ROBO1: variants seen among roughly 807,000 people sequenced by gnomAD.
ROBO1 encodes roundabout guidance receptor 1, also known as roundabout homolog 1.
A neutral mutation model predicts 195.9 loss-of-function variants in ROBO1; 149 were observed. That is an observed-to-expected ratio of 0.76 (90% CI 0.67 to 0.87). The LOEUF (loss-of-function observed/expected upper bound fraction) is 0.87. ROBO1 is among the 40% of genes least tolerant of loss of function. The pLI, the probability that ROBO1 is intolerant of heterozygous loss-of-function variation, is 0.00. For synonymous variants in ROBO1, 816 were observed against 733.2 expected (o/e 1.11, Z -1.82); for missense variants, 1,933 against 2,068.3 (o/e 0.93, Z 1.27).
intron 2 of ROBO1, among the ~76,000 whole-genome samples, chr3:79,272,564 C>T (rs2030661597): frequency 6.6e-6 from 1 of 152,072 alleles, no homozygotes; most frequent in Non-Finnish European, 1.5e-5. Flanking sequence ...CTCCCATCTC[C>T]CAGCAGCAGG....
chr3:79,613,246 G>T lies in ROBO1; in HGVS notation c.-50-23285C>A, dbSNP rs187737029. 2.3e-3 allele frequency among the ~76,000 whole-genome samples: 352 copies of T among 151,736 alleles called. 5 individuals carry two copies. Among genetic ancestry groups the T allele is most frequent in the African/African-American group, 7.3e-3 (301 of 41,378 alleles). ...CAGCTTTAAAACTACTATTTTATAG[G>T]GTTAACATTGTTTTGTCTACTGGTT... On this transcript the variant is annotated intron_variant, in intron 1 of 30. Coordinates refer to ENST00000464233, the MANE Select transcript of ROBO1 (RefSeq NM_002941.4).
intron 29 of ROBO1, among the ~76,000 whole-genome samples, chr3:78,603,601 A>C (rs1703300343): frequency 6.6e-6 from 1 of 152,154 alleles, no homozygotes; most frequent in Non-Finnish European, 1.5e-5. Context: ...TGTCAGCAAA[A>C]TGATCAGAAA....
chr3:78,749,703 C>T (rs939523685), intron 4 of ROBO1, among the ~76,000 whole-genome samples: 1 of 152,070 alleles, frequency 6.6e-6, no homozygotes, highest in African/African-American at 2.4e-5. Flanking sequence ...ACACTTAAGT[C>T]ATCACAATAA....
chr3:78,620,883 A>ATGTGTGTGTGTGTG (rs199578004), intron 26 of ROBO1, among the ~76,000 whole-genome samples: 47 of 144,660 alleles, frequency 3.2e-4, no homozygotes, highest in African/African-American at 4.1e-4. Flanking sequence ...ATATATATAT[A>ATGTGTGTGTGTGTG]TGTGTGTGTG....
chr3:79,054,558 G>A (rs1006162624), intron 3 of ROBO1, among the ~76,000 whole-genome samples: 7 of 152,042 alleles, frequency 4.6e-5, no homozygotes, highest in African/African-American at 1.4e-4. Flanking sequence ...GTGGGCATGG[G>A]CCATGAAGGA....
At chr3:79,530,802 C>T (rs1941625674) in intron 2 of ROBO1, among the ~76,000 whole-genome samples, 1 of 133,510 alleles carries the variant, frequency 7.5e-6, no homozygotes, top group African/African-American at 2.9e-5. Context: ...CACACACACA[C>T]ACATCCTTCC....
intron 5 of ROBO1, among the ~76,000 whole-genome samples, chr3:78,735,390 T>C (rs1470252637): frequency 6.6e-6 from 1 of 152,206 alleles, no homozygotes; most frequent in African/African-American, 2.4e-5. Flanking sequence ...AAGGTCTGGT[T>C]GTTAGGGCAG....
chr3:79,248,404 G>A lies in ROBO1; in HGVS notation c.89-122865C>T, dbSNP rs560100228. On this transcript the variant is annotated intron_variant, in intron 2 of 30. Coordinates refer to ENST00000464233, the MANE Select transcript of ROBO1 (RefSeq NM_002941.4). ...AAAAAAAAAAAAAAAAAAAGAGAGA[G>A]AGAGAATAAAACAGAAAAATGATTT... is the stretch of plus-strand genomic sequence containing the variant. 4.9e-3 allele frequency among the ~76,000 whole-genome samples: 708 copies of A among 145,346 alleles called. 2 individuals carry two copies. Among genetic ancestry groups the A allele is most frequent in the Non-Finnish European group, 8.3e-3 (549 of 66,424 alleles).
chr3:79,323,594 T>C (rs1387811605), intron 2 of ROBO1, among the ~76,000 whole-genome samples: 1 of 152,186 alleles, frequency 6.6e-6, no homozygotes, highest in Non-Finnish European at 1.5e-5. Context: ...TAAATATCAT[T>C]TGTAGAGGGA....
intron 5 of ROBO1, among the ~76,000 whole-genome samples, chr3:78,735,178 C>T (rs181857014): frequency 1.1e-4 from 16 of 152,248 alleles, no homozygotes; most frequent in Admixed American, 4.6e-4. Flanking sequence ...TTCACCTCTC[C>T]AAGTTATTAA....
chr3:79,146,867 G>C (rs2080664011), intron 2 of ROBO1, among the ~76,000 whole-genome samples: 1 of 151,944 alleles, frequency 6.6e-6, no homozygotes, highest in Non-Finnish European at 1.5e-5. Flanking sequence ...TTGAATGTAG[G>C]GAAAGTTTAG....
At chr3:78,833,432 A>T (rs1414272672) in intron 4 of ROBO1, among the ~76,000 whole-genome samples, 1 of 152,206 alleles carries the variant, frequency 6.6e-6, no homozygotes, top group Non-Finnish European at 1.5e-5. Context: ...AATTAATTGT[A>T]TGAAACCAAT....
At chr3:79,622,714 G>T (rs550632978) in intron 1 of ROBO1, among the ~76,000 whole-genome samples, 1 of 152,312 alleles carries the variant, frequency 6.6e-6, no homozygotes, top group East Asian at 1.9e-4. Flanking sequence ...TGGGAGAGGT[G>T]GCCGCAGACA....
At chr3:79,141,683 C>A (rs923938961) in intron 2 of ROBO1, among the ~76,000 whole-genome samples, 2 of 151,720 alleles carry the variant, frequency 1.3e-5, no homozygotes, top group African/African-American at 4.8e-5. Context: ...GGTTTCACTG[C>A]GCAAATTCAC....
chr3:78,958,343 T>A (rs1277940541), intron 3 of ROBO1, among the ~76,000 whole-genome samples: 1 of 152,310 alleles, frequency 6.6e-6, no homozygotes, highest in East Asian at 1.9e-4. Flanking sequence ...AACTAAAACA[T>A]TTAAACATTT....
At chr3:79,215,401 G>T (rs2082039427) in intron 2 of ROBO1, among the ~76,000 whole-genome samples, 1 of 151,966 alleles carries the variant, frequency 6.6e-6, no homozygotes, top group Admixed American at 6.6e-5. Flanking sequence ...CAAGCAGACA[G>T]CATAAACTAA....
intron 2 of ROBO1, among the ~76,000 whole-genome samples, chr3:79,445,823 G>C (rs557041054): frequency 2.0e-5 from 3 of 152,156 alleles, no homozygotes; most frequent in African/African-American, 7.2e-5. Flanking sequence ...CACTACGCCC[G>C]GCTAATTTTT....
intron 2 of ROBO1, among the ~76,000 whole-genome samples, chr3:79,560,592 A>T (rs1361957296): frequency 7.0e-6 from 1 of 143,634 alleles, no homozygotes; most frequent in African/African-American, 2.6e-5. Context: ...AATACTTGCC[A>T]CAAGTACACC....
chr3:79,620,631 C>A (rs1018868160), intron 1 of ROBO1, among the ~76,000 whole-genome samples: 2 of 152,072 alleles, frequency 1.3e-5, no homozygotes, highest in African/African-American at 4.8e-5. Context: ...AGCCACACCT[C>A]ATTGCCACCC....
Sources: allele counts gnomAD v4.1 joint callset (sites outside exome capture counted in the v4.1 genomes callset), GRCh38; gene constraint gnomAD v4.1.1; transcripts MANE v1.5; gene names NCBI Gene and HGNC (gene_info 2026-07-23, HGNC 2026-07-21).